AGBL1: variants seen among roughly 807,000 people sequenced by gnomAD.
The protein encoded by AGBL1 is cytosolic carboxypeptidase 4.
In AGBL1, 130 loss-of-function variants were observed where a neutral mutation model predicts 118.9. That is an observed-to-expected ratio of 1.09 (90% CI 0.95 to 1.26). AGBL1 has a LOEUF of 1.26. Ranked by LOEUF, AGBL1 falls within the 50% of genes most tolerant of loss-of-function variation. The pLI, the probability that AGBL1 is intolerant of heterozygous loss-of-function variation, is 0.00. For synonymous variants in AGBL1, 555 were observed against 478.9 expected (o/e 1.16, Z -2.08); for missense variants, 1,584 against 1,298.1 (o/e 1.22, Z -3.38).
intron 22 of AGBL1, among the ~76,000 whole-genome samples, chr15:86,733,659 T>A (rs571381451): frequency 1.3e-5 from 2 of 152,314 alleles, no homozygotes; most frequent in East Asian, 3.9e-4. Context: ...TATGTAGAAG[T>A]CATGGTACTA....
At chr15:87,030,516 G>A (rs904123854), downstream of AGBL1, among the ~76,000 whole-genome samples, 2 of 151,784 alleles carry the variant, frequency 1.3e-5, no homozygotes, top group African/African-American at 4.8e-5. Flanking sequence ...CAAAATCATT[G>A]GTGTTTAACA....
At chr15:86,330,222 C>G (rs1048405154) in intron 17 of AGBL1, among the ~76,000 whole-genome samples, 3 of 152,144 alleles carry the variant, frequency 2.0e-5, no homozygotes, top group African/African-American at 7.2e-5. Flanking sequence ...TGCCAGTAAA[C>G]AAGGATCAAG....
intron 21 of AGBL1, among the ~76,000 whole-genome samples, chr15:86,602,683 T>C (rs1442287538): frequency 6.6e-6 from 1 of 152,200 alleles, no homozygotes; most frequent in Non-Finnish European, 1.5e-5. Flanking sequence ...ATGGGTTGTT[T>C]CTATTTTATA....
intron 18 of AGBL1, among the ~76,000 whole-genome samples, chr15:86,490,444 G>T (rs2082764606): frequency 6.6e-6 from 1 of 152,088 alleles, no homozygotes; most frequent in African/African-American, 2.4e-5. Context: ...TGAAGATTTT[G>T]TCATTCACAC....
chr15:86,788,172 G>T (rs548625240), intron 22 of AGBL1, among the ~76,000 whole-genome samples: 1 of 152,348 alleles, frequency 6.6e-6, no homozygotes, highest in Admixed American at 6.5e-5. Flanking sequence ...GCCCACTGAG[G>T]CCAAGCCCTT....
rs200068254 is a variant in AGBL1, at chr15:86,522,537, C to G, written c.2556-273C>G. 3.9e-5 allele frequency among the ~76,000 whole-genome samples: 6 copies of G among 152,292 alleles called. No individual in the cohort carries two copies. In the East Asian group the frequency reaches 9.6e-4, roughly 24 times the overall value. ...CCCCATGGATGTATATAATGGGGAACTACATTTTCCAACTTTGTCTTAAAA... is the reference window on the plus strand; with the variant it reads ...CCCCATGGATGTATATAATGGGGAAGTACATTTTCCAACTTTGTCTTAAAA... On this transcript the variant is annotated intron_variant, in intron 18 of 22. Coordinates refer to ENST00000614907, the MANE Select transcript of AGBL1 (RefSeq NM_001386094.1).
downstream of AGBL1, among the ~76,000 whole-genome samples, chr15:86,919,425 T>C (rs2080461961): frequency 6.6e-6 from 1 of 152,130 alleles, no homozygotes; most frequent in Admixed American, 6.5e-5. Flanking sequence ...TTTTTTCTCA[T>C]CTTTAGTGGC....
chr15:86,465,113 A>G (rs187269852), intron 18 of AGBL1, among the ~76,000 whole-genome samples: 1 of 152,296 alleles, frequency 6.6e-6, no homozygotes, highest in Non-Finnish European at 1.5e-5. Context: ...GCCATGGCAG[A>G]ACATCATAAA....
At chr15:86,927,785 C>G (rs1272633084) in intron 23 of AGBL1, among the ~76,000 whole-genome samples, 1 of 152,194 alleles carries the variant, frequency 6.6e-6, no homozygotes, top group East Asian at 1.9e-4. Flanking sequence ...ACACAGACCT[C>G]TAGGGCAGTT....
At chr15:86,183,677 T>A (rs1344748479) in intron 5 of AGBL1, among the ~76,000 whole-genome samples, 23 of 152,150 alleles carry the variant, frequency 1.5e-4, no homozygotes, top group Non-Finnish European at 2.9e-5. Flanking sequence ...TAATTTGTTT[T>A]TGAAAATGGT....
chr15:86,163,476 C>T (rs966746515), intron 5 of AGBL1, among the ~76,000 whole-genome samples: 1 of 152,034 alleles, frequency 6.6e-6, no homozygotes, highest in African/African-American at 2.4e-5. Flanking sequence ...GCCTGTAATC[C>T]CAGCACTTTG....
At chr15:86,277,702 C>T (rs1279751311) in intron 15 of AGBL1, among the ~76,000 whole-genome samples, 1 of 152,184 alleles carries the variant, frequency 6.6e-6, no homozygotes, top group African/African-American at 2.4e-5. Flanking sequence ...TAAGACCAAC[C>T]CTACTGGCCC....
chr15:86,479,401 C>T (rs1369689297), intron 18 of AGBL1, among the ~76,000 whole-genome samples: 3 of 151,928 alleles, frequency 2.0e-5, no homozygotes, highest in African/African-American at 7.2e-5. Flanking sequence ...AAAACAACGC[C>T]ATCAACAAGT....
intron 18 of AGBL1, among the ~76,000 whole-genome samples, chr15:86,508,009 T>G (rs1026556174): frequency 9.9e-5 from 15 of 150,852 alleles, no homozygotes; most frequent in Non-Finnish European, 1.6e-4. Flanking sequence ...ATTTGCCTTT[T>G]TTTTTTTTTT....
chr15:87,014,852 C>G (rs540676847), intron 24 of AGBL1, among the ~76,000 whole-genome samples: 2 of 152,164 alleles, frequency 1.3e-5, no homozygotes, highest in African/African-American at 4.8e-5. Flanking sequence ...TGTAGCCATG[C>G]TTGATGATTA....
At chr15:86,329,011 C>T (rs750259368) in intron 17 of AGBL1, among the ~76,000 whole-genome samples, 2 of 152,174 alleles carry the variant, frequency 1.3e-5, no homozygotes, top group Non-Finnish European at 2.9e-5. Flanking sequence ...GAACTGTAGA[C>T]AGTGCTTCAG....
chr15:86,997,481 T>G (rs2081390931), intron 24 of AGBL1, among the ~76,000 whole-genome samples: 1 of 152,180 alleles, frequency 6.6e-6, no homozygotes, highest in South Asian at 2.1e-4. Flanking sequence ...TCAGCTTCAG[T>G]TTATCAAGCC....
At chr15:86,697,847 G>A (rs184515875) in intron 22 of AGBL1, among the ~76,000 whole-genome samples, 2 of 151,842 alleles carry the variant, frequency 1.3e-5, no homozygotes, top group Admixed American at 6.6e-5. Context: ...TGTAGTAATT[G>A]TTATTTCTCT....
intron 18 of AGBL1, among the ~76,000 whole-genome samples, chr15:86,517,647 A>G (rs2083137665): frequency 6.6e-6 from 1 of 152,030 alleles, no homozygotes; most frequent in Admixed American, 6.5e-5. Flanking sequence ...TAGATCTCTT[A>G]TCTTCCCTTG....
Sources: allele counts gnomAD v4.1 joint callset (sites outside exome capture counted in the v4.1 genomes callset), GRCh38; gene constraint gnomAD v4.1.1; transcripts MANE v1.5; gene names NCBI Gene and HGNC (gene_info 2026-07-23, HGNC 2026-07-21).